Variants in PRKAG2 observed in about 807,000 individuals in gnomAD.
The protein encoded by PRKAG2 is protein kinase AMP-activated non-catalytic subunit gamma 2, also known as 5'-AMP-activated protein kinase subunit gamma-2.
In PRKAG2, 26 loss-of-function variants were observed where a neutral mutation model predicts 69.6. That is an observed-to-expected ratio of 0.37 (90% CI 0.27 to 0.52). PRKAG2 has a LOEUF of 0.52. Among genes scored for constraint, PRKAG2 ranks in the 20% least tolerant of loss-of-function variants. The pLI is 0.90. For synonymous variants in PRKAG2, 293 were observed against 285.0 expected (o/e 1.03, Z -0.28); for missense variants, 557 against 740.0 (o/e 0.75, Z 2.87).
intron 3 of PRKAG2, among the ~76,000 whole-genome samples, chr7:151,698,216 C>T (rs1837024180): frequency 6.6e-6 from 1 of 152,198 alleles, no homozygotes; most frequent in Admixed American, 6.5e-5. Context: ...CACAGGGCCA[C>T]CTGGGCTAAT....
intron 3 of PRKAG2, among the ~76,000 whole-genome samples, chr7:151,703,526 A>G (rs576746864): frequency 6.6e-6 from 1 of 152,116 alleles, no homozygotes; most frequent in African/African-American, 2.4e-5. Context: ...TATGGAGCAT[A>G]ATATAGAAAA....
intron 6 of PRKAG2, among the ~76,000 whole-genome samples, chr7:151,592,618 G>A (rs972337639): frequency 1.3e-5 from 2 of 152,198 alleles, no homozygotes; most frequent in African/African-American, 2.4e-5. Flanking sequence ...CTCTGATGAC[G>A]TCGTATCCTC....
At chr7:151,742,773 TC>T (rs1288718544) in intron 3 of PRKAG2, among the ~76,000 whole-genome samples, 3 of 152,176 alleles carry the variant, frequency 2.0e-5, no homozygotes, top group Admixed American at 6.5e-5. Context: ...GGCTGCTTCC[TC>T]CCCGAGGCCA....
Position 151,752,390 on chromosome 7 carries a change from G to A in PRKAG2, c.466+28762C>T, listed in dbSNP as rs145266687. On this transcript the variant is annotated intron_variant, in intron 3 of 15. Coordinates refer to ENST00000287878, the MANE Select transcript of PRKAG2 (RefSeq NM_016203.4). The stretch of plus-strand genomic sequence containing the variant: ...CACAAAGAAAGAAACGACAAACACT[G>A]GGGGCTACTTAAGAGGCAGAGGGTG... Among the ~76,000 whole-genome samples, 248 of 152,196 alleles carry A rather than the reference G, an allele frequency of 1.6e-3. 1 individual carries two copies. The highest frequency in any genetic ancestry group is 5.7e-3 in the African/African-American group (235 of 41,506).
intron 5 of PRKAG2, among the ~76,000 whole-genome samples, chr7:151,616,839 T>C (rs534263422): frequency 2.8e-4 from 42 of 152,214 alleles, no homozygotes; most frequent in Non-Finnish European, 5.3e-4. Flanking sequence ...CCAAAGAACA[T>C]GGCATGTTTG....
intron 3 of PRKAG2, among the ~76,000 whole-genome samples, chr7:151,705,119 A>G (rs552832173): frequency 5.3e-5 from 8 of 152,212 alleles, no homozygotes; most frequent in Non-Finnish European, 8.8e-5. Flanking sequence ...CCTTCTGATA[A>G]AACGTAAATG....
intron 3 of PRKAG2, among the ~76,000 whole-genome samples, chr7:151,752,296 C>T (rs528511934): frequency 6.6e-6 from 1 of 152,316 alleles, no homozygotes; most frequent in South Asian, 2.1e-4. Flanking sequence ...CAAACTAACA[C>T]AGGAACAGAA....
At chr7:151,693,957 T>G (rs1460002348) in intron 3 of PRKAG2, among the ~76,000 whole-genome samples, 2 of 151,894 alleles carry the variant, frequency 1.3e-5, no homozygotes, top group East Asian at 3.9e-4. Context: ...CTGCAACTTG[T>G]GACCCCTGGG....
rs1057521688 is a variant in PRKAG2, at chr7:151,814,422, C to T, written c.115-27881G>A. On this transcript the variant is annotated intron_variant, in intron 1 of 15. Coordinates refer to ENST00000287878, the MANE Select transcript of PRKAG2 (RefSeq NM_016203.4). The surrounding 1 kb of genome is among the most constrained non-coding windows in gnomAD (Gnocchi z 4.8). ...CTCCCGCAGGTCTGCTTACTCAGCC[C>T]CAAGGGGTCCTGGAGGTCTTCTCTT... 16 of 1,227,958 alleles carry T rather than the reference C, an allele frequency of 1.3e-5. No homozygotes were observed. Among genetic ancestry groups the T allele is most frequent in the Non-Finnish European group, 1.6e-5 (16 of 986,256 alleles). 76.1% of individuals were successfully genotyped at this position (1,227,958 alleles called of 1,614,324 possible).
rs1301871503 is a variant in PRKAG2, at chr7:151,656,827, C to G, written c.684+18593G>C. ...AGTAACATCGTGGAATTCAAAAGTG[C>G]AAAGGTAAAACCTCAAAAGCATATT... is the stretch of plus-strand genomic sequence containing the variant. On this transcript the variant is annotated intron_variant, in intron 4 of 15. Transcript: ENST00000287878. 2.6e-5 allele frequency among the ~76,000 whole-genome samples: 4 copies of G among 152,174 alleles called. No individual in the cohort carries two copies. In the East Asian group the frequency reaches 7.7e-4, roughly 29 times the overall value.
chr7:151,703,211 G>A lies in PRKAG2; in HGVS notation c.467-27574C>T, dbSNP rs1403594029. ...GCGCGCGAAGCAAAGAAGGAAAGAG[G>A]AAAAGCGCACCTTCTCCGTCACAGT... On this transcript the variant is annotated intron_variant, in intron 3 of 15. Coordinates refer to ENST00000287878, the MANE Select transcript of PRKAG2 (RefSeq NM_016203.4). 2.0e-5 allele frequency among the ~76,000 whole-genome samples: 3 copies of A among 152,228 alleles called. No homozygotes were observed. The East Asian group carries it at 5.8e-4, about 29-fold the overall frequency.
At chr7:151,592,060 A>G (rs986044939) in intron 6 of PRKAG2, among the ~76,000 whole-genome samples, 1 of 152,120 alleles carries the variant, frequency 6.6e-6, no homozygotes, top group Admixed American at 6.5e-5. Flanking sequence ...GGGCTCGCCC[A>G]GGCCTGTGAA....
intron 5 of PRKAG2, among the ~76,000 whole-genome samples, chr7:151,630,711 G>A (rs996220668): frequency 6.6e-6 from 1 of 152,216 alleles, no homozygotes; most frequent in Admixed American, 6.5e-5. Flanking sequence ...AAACCCTGGT[G>A]ATTTAGACAT....
Position 151,814,815 on chromosome 7 carries a change from CG to C in PRKAG2, c.115-28275del, listed in dbSNP as rs1470256422. 2.5e-5 allele frequency: 31 copies of C among 1,231,670 alleles called. No homozygotes were observed. The Admixed American group carries it at 5.5e-4, about 22-fold the overall frequency. 76.3% of individuals were successfully genotyped at this position (1,231,670 alleles called of 1,614,324 possible). A position where few individuals can be genotyped will look rare whatever the true frequency, so the allele number is the denominator to read the frequency against. On this transcript the variant is annotated intron_variant, in intron 1 of 15. Coordinates refer to ENST00000287878, the MANE Select transcript of PRKAG2 (RefSeq NM_016203.4). The surrounding 1 kb of genome is among the most constrained non-coding windows in gnomAD (Gnocchi z 4.8). The stretch of plus-strand genomic sequence containing the variant: ...GAGCTCGGGCAGATTCCCCCATTGA[CG>C]GGACTGCAGCAAACTGTCATTCCCA...
intron 3 of PRKAG2, among the ~76,000 whole-genome samples, chr7:151,714,945 A>T (rs73484136): frequency 0.27 from 40,549 of 150,956 alleles, 6,525 homozygotes; most frequent in East Asian, 0.7. Flanking sequence ...GCGAGACTCC[A>T]TCTCAAAAAA....
intron 3 of PRKAG2, among the ~76,000 whole-genome samples, chr7:151,681,801 C>T (rs946162822): frequency 6.6e-6 from 1 of 152,020 alleles, no homozygotes; most frequent in African/African-American, 2.4e-5. Flanking sequence ...GGGGTATCAC[C>T]GAGAGAAAGA....
At chr7:151,618,787 C>A (rs1820784859) in intron 5 of PRKAG2, among the ~76,000 whole-genome samples, 1 of 152,044 alleles carries the variant, frequency 6.6e-6, no homozygotes, top group African/African-American at 2.4e-5. Context: ...AAAATAAAAA[C>A]CCCTAAGTTT....
intron 3 of PRKAG2, among the ~76,000 whole-genome samples, chr7:151,750,893 A>G (rs982579391): frequency 2.6e-5 from 4 of 151,622 alleles, no homozygotes; most frequent in Non-Finnish European, 5.9e-5. Flanking sequence ...AAAAAAAAAA[A>G]TTTGTTAAGG....
intron 1 of PRKAG2, among the ~76,000 whole-genome samples, chr7:151,876,144 T>A (rs1339941857): frequency 6.7e-6 from 1 of 148,696 alleles, no homozygotes; most frequent in Non-Finnish European, 1.5e-5. Flanking sequence ...CGGAGCGCAG[T>A]CCACACCGTC....
Sources: allele counts gnomAD v4.1 joint callset (sites outside exome capture counted in the v4.1 genomes callset), GRCh38; gene constraint gnomAD v4.1.1; non-coding constraint Gnocchi (gnomAD v3.1); transcripts MANE v1.5; gene names NCBI Gene and HGNC (gene_info 2026-07-23, HGNC 2026-07-21).